IFT57: variants seen among roughly 807,000 people sequenced by gnomAD.
IFT57 encodes the protein intraflagellar transport 57, also known as intraflagellar transport protein 57 homolog.
In IFT57, 59 loss-of-function variants were observed where a neutral mutation model predicts 56.8. The observed-to-expected ratio is 1.04, with a 90% CI of 0.84 to 1.29. IFT57 has a LOEUF of 1.29. Ranked by LOEUF, IFT57 falls within the 50% of genes most tolerant of loss-of-function variation. The pLI is 0.00. For missense variants in IFT57, 470 were observed against 522.1 expected (o/e 0.90, Z 0.97); for synonymous variants, 209 against 186.1 (o/e 1.12, Z -1.00).
intron 6 of IFT57, among the ~76,000 whole-genome samples, chr3:108,178,232 T>C (rs1014260109): frequency 1.3e-5 from 2 of 151,908 alleles, no homozygotes; most frequent in African/African-American, 4.8e-5. Flanking sequence ...TGTATACATA[T>C]GAAAACCAAG....
At chr3:108,210,332 CTTTT>C (rs35896793) in intron 4 of IFT57, among the ~76,000 whole-genome samples, 1 of 108,016 alleles carries the variant, frequency 9.3e-6, no homozygotes, top group Non-Finnish European at 1.8e-5. Context: ...CAGAAATAAT[CTTTT>C]TTTTTTTTTT....
chr3:108,209,306 TA>T (rs1299067220), intron 4 of IFT57, among the ~76,000 whole-genome samples: 5 of 152,192 alleles, frequency 3.3e-5, no homozygotes, highest in Admixed American at 6.5e-5. Flanking sequence ...GGGAGAAGAG[TA>T]AATATCACTT....
intron 5 of IFT57, among the ~76,000 whole-genome samples, chr3:108,201,433 A>C (rs2080277866): frequency 6.6e-6 from 1 of 152,040 alleles, no homozygotes. Context: ...TTTCCTATTC[A>C]CCTCCAGATG....
At chr3:108,195,919 GT>G (rs1266589149) in intron 5 of IFT57, among the ~76,000 whole-genome samples, 2 of 152,036 alleles carry the variant, frequency 1.3e-5, no homozygotes, top group African/African-American at 4.8e-5. Flanking sequence ...AAGACCTAGT[GT>G]TCGGTAGCAC....
intron 1 of IFT57, 154 bp downstream of exon 1, chr3:108,221,957 C>G: frequency 1.4e-6 from 2 of 1,428,758 alleles, no homozygotes; most frequent in East Asian, 2.5e-5. Flanking sequence ...ACGGACCTCC[C>G]GGGAGTTTGG....
chr3:108,167,943 C>A, intron 6 of IFT57, 79 bp from the exon 7 acceptor site: 3 of 1,041,334 alleles, frequency 2.9e-6, no homozygotes, highest in Non-Finnish European at 4.1e-6. Context: ...AAGTTGTAAC[C>A]TTTAATTACT....
rs1266003094 is a variant in IFT57 at position 108,204,904 on chromosome 3, C to CTT, written c.654+1722_654+1723dup. Among the ~76,000 whole-genome samples, 4 of 152,258 alleles carry CTT rather than the reference C, an allele frequency of 2.6e-5. No homozygotes were observed. In the East Asian group the frequency reaches 7.7e-4, roughly 29 times the overall value. On this transcript the variant is annotated intron_variant, in intron 5 of 10. Transcript: ENST00000264538. ...AATGGAGATAACATCTACCCAAATA[C>CTT]TTTACAAGGTCAGTAAAGAAATGTG... is the stretch of plus-strand genomic sequence containing the variant.
At chr3:108,201,114 A>C (rs1016033860) in intron 5 of IFT57, among the ~76,000 whole-genome samples, 7 of 152,142 alleles carry the variant, frequency 4.6e-5, no homozygotes, top group African/African-American at 1.7e-4. Context: ...CATAGAAGTT[A>C]ATTAACTTGC....
At chr3:108,207,869 C>G (rs1007907407) in intron 4 of IFT57, among the ~76,000 whole-genome samples, 2 of 152,066 alleles carry the variant, frequency 1.3e-5, no homozygotes, top group African/African-American at 2.4e-5. Context: ...CAGTGAAACC[C>G]TGTCTCTACT....
At chr3:108,174,733 C>A (rs2080114725) in intron 6 of IFT57, among the ~76,000 whole-genome samples, 1 of 151,812 alleles carries the variant, frequency 6.6e-6, no homozygotes, top group Non-Finnish European at 1.5e-5. Flanking sequence ...ATCCATTCAT[C>A]TGCTCTCCTG....
At chr3:108,200,868 G>C (rs988506416) in intron 5 of IFT57, among the ~76,000 whole-genome samples, 2 of 152,004 alleles carry the variant, frequency 1.3e-5, no homozygotes, top group African/African-American at 4.8e-5. Flanking sequence ...GACAATCTAG[G>C]GACTTTTTGT....
intron 9 of IFT57, among the ~76,000 whole-genome samples, chr3:108,163,942 C>T (rs974904734): frequency 6.6e-6 from 1 of 151,978 alleles, no homozygotes; most frequent in Non-Finnish European, 1.5e-5. Context: ...TAAACTTCAC[C>T]AAATGGCTGT....
chr3:108,213,768 C>T, intron 4 of IFT57, 163 bp downstream of exon 4: 1 of 532,200 alleles, frequency 1.9e-6, no homozygotes. Flanking sequence ...ATTAACTTAA[C>T]CAAAGGTCTA....
intron 5 of IFT57, among the ~76,000 whole-genome samples, chr3:108,196,758 A>G (rs2080246673): frequency 6.6e-6 from 1 of 152,200 alleles, no homozygotes; most frequent in African/African-American, 2.4e-5. Flanking sequence ...AGAGAACATT[A>G]GGTTTGGCAG....
At chr3:108,221,720 C>G (rs1295232053) in intron 1 of IFT57, among the ~76,000 whole-genome samples, 1 of 4,494 alleles carries the variant, frequency 2.2e-4, no homozygotes, top group Admixed American at 5.9e-3. Context: ...TCTCTGGAGG[C>G]GAATTTTGGA....
intron 2 of IFT57, 139 bp downstream of exon 2, chr3:108,219,271 C>T (rs988197392): frequency 2.8e-5 from 18 of 649,676 alleles, no homozygotes; most frequent in Non-Finnish European, 4.2e-5. Context: ...ATAATGTAAA[C>T]TATTTTAAGG....
chr3:108,170,996 T>C (rs1166374507), intron 6 of IFT57, among the ~76,000 whole-genome samples: 3 of 151,936 alleles, frequency 2.0e-5, no homozygotes, highest in African/African-American at 7.2e-5. Context: ...AAGTAAGTGA[T>C]GCAACTAGGC....
chr3:108,191,183 A>G (rs1177500493), intron 6 of IFT57, among the ~76,000 whole-genome samples: 2 of 152,192 alleles, frequency 1.3e-5, no homozygotes, highest in African/African-American at 2.4e-5. Context: ...GCTCTAAACC[A>G]TCTTATAACT....
rs755140612 is a variant in IFT57 at position 108,222,331 on chromosome 3, GGACA to G, written c.-13_-10del. ...GCCAGAGCAGCAGTCATCGCAGAACGGACAGAGTCCAGCGTGGGCTCAGGCCCAC... is the reference window on the plus strand; with the variant it reads ...GCCAGAGCAGCAGTCATCGCAGAACGGAGTCCAGCGTGGGCTCAGGCCCAC... On this transcript the variant is annotated 5_prime_UTR_variant, in exon 1 of 11. Coordinates refer to ENST00000264538, the MANE Select transcript of IFT57 (RefSeq NM_018010.4). 4 of 1,602,614 alleles carry G rather than the reference GGACA, an allele frequency of 2.5e-6. No individual in the cohort carries two copies. The highest frequency in any genetic ancestry group is 2.2e-5 in the East Asian group (1 of 44,764).
Sources: gnomAD v4.1 joint callset for allele counts (sites outside exome capture counted in the v4.1 genomes callset) on GRCh38, gnomAD v4.1.1 for gene constraint, MANE v1.5 for transcripts, NCBI Gene and HGNC (gene_info 2026-07-23, HGNC 2026-07-21) for gene names.